SPAG16: variants seen among roughly 807,000 people sequenced by gnomAD.
SPAG16 encodes sperm-associated antigen 16 protein.
A neutral mutation model predicts 80.4 loss-of-function variants in SPAG16; 86 were observed. The ratio of observed to expected loss-of-function variants is 1.07; its 90% confidence interval spans 0.90 to 1.28. The LOEUF (loss-of-function observed/expected upper bound fraction) is 1.28, where lower values mean the gene tolerates loss of function less well. Ranked by LOEUF, SPAG16 falls within the 50% of genes most tolerant of loss-of-function variation. The probability of loss-of-function intolerance (pLI) is 0.00; values close to 1 mark genes in which losing one functional copy is unlikely to be tolerated. For synonymous variants in SPAG16, 294 were observed against 265.9 expected (o/e 1.11, Z -1.03); for missense variants, 870 against 765.3 (o/e 1.14, Z -1.61).
Position 214,038,946 on chromosome 2 carries a change from C to T in SPAG16, c.1527+24869C>T, listed in dbSNP as rs186539544. 4.4e-3 allele frequency among the ~76,000 whole-genome samples: 671 copies of T among 152,104 alleles called. 12 individuals carry two copies. The East Asian group carries it at 0.045, about 10-fold the overall frequency. On this transcript the variant is annotated intron_variant, in intron 13 of 15. Transcript: ENST00000331683. The stretch of plus-strand genomic sequence containing the variant: ...TTTTCTTAATCCAGTCTATCATTGA[C>T]GGACATTTGGGTTGGTTCCAAGTCT...
At chr2:213,502,681 G>C (rs1342812297) in intron 10 of SPAG16, among the ~76,000 whole-genome samples, 2 of 152,094 alleles carry the variant, frequency 1.3e-5, no homozygotes, top group African/African-American at 4.8e-5. Context: ...CACGTTAAAG[G>C]CTTTTCACAT....
chr2:213,310,120 G>A lies in SPAG16; in HGVS notation c.341G>A (p.Cys114Tyr), dbSNP rs2063121559. Residue 114 changes from cysteine to tyrosine, a missense_variant, in exon 4 of 16, where the codon TGC becomes TAC. By Grantham distance (194) the Cys-to-Tyr change is radical. Transcript: ENST00000331683. ...AVPEVIEDFL[C>Y]NFLIKMGMTR... ...CCTGAAGTAATAGAAGACTTTCTCT[G>A]CAATTTCTTGATCAAAATGGGAATG... is the stretch of plus-strand genomic sequence containing the variant. 1.2e-6 allele frequency: 2 copies of A among 1,611,806 alleles called. No homozygotes were observed. The highest frequency in any genetic ancestry group is 1.7e-6 in the Non-Finnish European group (2 of 1,178,714).
chr2:213,825,888 G>A (rs1246700028), intron 10 of SPAG16, among the ~76,000 whole-genome samples: 1 of 151,556 alleles, frequency 6.6e-6, no homozygotes, highest in Non-Finnish European at 1.5e-5. Flanking sequence ...TCAGTTCCTG[G>A]CTTTTCTTTG....
intron 10 of SPAG16, among the ~76,000 whole-genome samples, chr2:213,733,340 G>T (rs1444352118): frequency 6.6e-6 from 1 of 151,940 alleles, no homozygotes; most frequent in Non-Finnish European, 1.5e-5. Context: ...GTTGTGACAG[G>T]AATGCTGGAA....
At chr2:214,167,528 C>A (rs568224819) in intron 15 of SPAG16, among the ~76,000 whole-genome samples, 59 of 152,110 alleles carry the variant, frequency 3.9e-4, no homozygotes, top group African/African-American at 1.4e-3. Context: ...TGGTTCCAAA[C>A]TGGAGAAGGA....
Position 213,375,058 on chromosome 2 carries a change from A to G in SPAG16, c.881A>G (p.Lys294Arg). ...KENAPEGPTQKGLREAREQNK... is the reference protein window; with the variant it reads ...KENAPEGPTQRGLREAREQNK... The stretch of plus-strand genomic sequence containing the variant: ...AATGCACCAGAAGGTCCTACTCAGA[A>G]AGGTCTTCGTGAAGCCAGGGAACAA... The change falls in exon 9 of 16, where the codon AAA (lysine) becomes AGA (arginine). Residue 294 changes from lysine to arginine, a missense_variant. Physicochemically the swap from Lys to Arg is conservative, Grantham distance 26. Transcript: ENST00000331683. The G allele has an allele frequency of 6.2e-7, 1 of 1,611,224 alleles. No individual in the cohort carries two copies. The highest frequency in any genetic ancestry group is 8.5e-7 in the Non-Finnish European group (1 of 1,178,784).
intron 15 of SPAG16, among the ~76,000 whole-genome samples, chr2:214,380,448 C>T (rs996396020): frequency 2.6e-5 from 4 of 152,162 alleles, no homozygotes; most frequent in East Asian, 1.9e-4. Context: ...TGTTCAAGAA[C>T]TGTTAATAAT....
intron 11 of SPAG16, among the ~76,000 whole-genome samples, chr2:213,915,455 G>T (rs2077912175): frequency 6.6e-6 from 1 of 152,120 alleles, no homozygotes; most frequent in Non-Finnish European, 1.5e-5. Context: ...CAAAGGACAT[G>T]AACTCATACT....
intron 15 of SPAG16, among the ~76,000 whole-genome samples, chr2:214,308,884 G>A (rs761456356): frequency 5.3e-5 from 8 of 152,038 alleles, no homozygotes; most frequent in Non-Finnish European, 8.8e-5. Flanking sequence ...TCTTCTTGTG[G>A]AGTGTCTTAC....
chr2:213,325,242 C>A (rs2063792496), intron 5 of SPAG16, among the ~76,000 whole-genome samples: 2 of 151,498 alleles, frequency 1.3e-5, no homozygotes, highest in Admixed American at 6.6e-5. Context: ...TGAAGCATAT[C>A]TTATCTTTTT....
At chr2:213,551,313 A>G (rs915917794) in intron 10 of SPAG16, among the ~76,000 whole-genome samples, 2 of 152,180 alleles carry the variant, frequency 1.3e-5, no homozygotes, top group African/African-American at 4.8e-5. Context: ...TTGTAGTGAT[A>G]TGTGATTTTT....
At chr2:213,408,929 A>G (rs1319581529) in intron 9 of SPAG16, among the ~76,000 whole-genome samples, 1 of 152,238 alleles carries the variant, frequency 6.6e-6, no homozygotes, top group Non-Finnish European at 1.5e-5. Context: ...GCTAAAAGTT[A>G]GCAGTGTAAC....
chr2:213,609,867 T>C (rs1381690117), intron 10 of SPAG16, among the ~76,000 whole-genome samples: 1 of 152,182 alleles, frequency 6.6e-6, no homozygotes, highest in East Asian at 1.9e-4. Context: ...TCATAGCTTC[T>C]TCAGGTTTTA....
At chr2:213,864,755 C>A (rs2075619958) in intron 11 of SPAG16, among the ~76,000 whole-genome samples, 1 of 152,002 alleles carries the variant, frequency 6.6e-6, no homozygotes, top group Non-Finnish European at 1.5e-5. Context: ...GATGACATAT[C>A]CAAATTTTGT....
At chr2:213,626,963 T>C (rs2061985067) in intron 10 of SPAG16, among the ~76,000 whole-genome samples, 1 of 152,150 alleles carries the variant, frequency 6.6e-6, no homozygotes, top group African/African-American at 2.4e-5. Context: ...TTTTTCTTTT[T>C]AGACCAAAGT....
At chr2:213,953,578 A>G (rs1463124666) in intron 12 of SPAG16, among the ~76,000 whole-genome samples, 2 of 151,880 alleles carry the variant, frequency 1.3e-5, no homozygotes, top group African/African-American at 2.4e-5. Context: ...GAAATTTTTA[A>G]AAAATGAAAT....
intron 10 of SPAG16, among the ~76,000 whole-genome samples, chr2:213,804,155 G>A (rs2071594463): frequency 1.3e-5 from 2 of 152,184 alleles, no homozygotes; most frequent in South Asian, 4.1e-4. Flanking sequence ...CAAAAAAACA[G>A]ATGAGGTCTT....
chr2:213,712,970 C>T (rs546157569), intron 10 of SPAG16, among the ~76,000 whole-genome samples: 3 of 152,026 alleles, frequency 2.0e-5, no homozygotes, highest in Admixed American at 6.6e-5. Context: ...CACAGTTCCA[C>T]GTGGTTGGGG....
chr2:214,310,455 C>T (rs1695213590), intron 15 of SPAG16, among the ~76,000 whole-genome samples: 1 of 152,154 alleles, frequency 6.6e-6, no homozygotes, highest in Non-Finnish European at 1.5e-5. Context: ...AGCACTGTGT[C>T]CTTCTGTCAG....
Sources: gnomAD v4.1 joint callset for allele counts (sites outside exome capture counted in the v4.1 genomes callset) on GRCh38, gnomAD v4.1.1 for gene constraint, MANE v1.5 for transcripts, NCBI Gene and HGNC (gene_info 2026-07-23, HGNC 2026-07-21) for gene names.